PCDHGA2: variants seen among roughly 807,000 people sequenced by gnomAD.
PCDHGA2 encodes protocadherin gamma subfamily A, 2.
Under a neutral mutation model 59.2 loss-of-function variants are expected in PCDHGA2, and 40 were observed. The observed-to-expected ratio is 0.68, with a 90% CI of 0.52 to 0.88. The LOEUF is 0.88. Ranked by LOEUF, PCDHGA2 falls within the 40% of genes least tolerant of loss-of-function variation. The probability of loss-of-function intolerance (pLI) is 0.00; values close to 1 mark genes in which losing one functional copy is unlikely to be tolerated. For synonymous variants in PCDHGA2, 560 were observed against 526.0 expected (o/e 1.06, Z -0.89); for missense variants, 1,226 against 1,204.0 (o/e 1.02, Z -0.27).
intron 1 of PCDHGA2, chr5:141,374,936 A>G: frequency 6.2e-7 from 1 of 1,614,030 alleles, no homozygotes; most frequent in Non-Finnish European, 8.5e-7. Context: ...TGTGAAGATT[A>G]CAGAAAAGAT....
intron 1 of PCDHGA2, among the ~76,000 whole-genome samples, chr5:141,456,714 C>T (rs1456452530): frequency 6.6e-6 from 1 of 152,176 alleles, no homozygotes; most frequent in Non-Finnish European, 1.5e-5. Flanking sequence ...CCTGTAATCC[C>T]AGCACTTTGG....
intron 1 of PCDHGA2, among the ~76,000 whole-genome samples, chr5:141,460,640 TGTTTACACATA>T (rs2098994223): frequency 6.6e-6 from 1 of 152,096 alleles, no homozygotes; most frequent in Admixed American, 6.6e-5. Flanking sequence ...TATATAACTG[TGTTTACACATA>T]TGTAACTGTA....
At chr5:141,503,332 C>T (rs536647792) in intron 2 of PCDHGA2, among the ~76,000 whole-genome samples, 5 of 152,074 alleles carry the variant, frequency 3.3e-5, no homozygotes, top group Admixed American at 6.5e-5. Context: ...CGCGGTGGCT[C>T]ACGCCTGTAA....
intron 1 of PCDHGA2, chr5:141,409,529 G>A: frequency 6.2e-7 from 1 of 1,613,962 alleles, no homozygotes; most frequent in Middle Eastern, 1.6e-4. Context: ...CTTGTATGTC[G>A]CTGACATCAA....
intron 1 of PCDHGA2, chr5:141,391,496 G>C (rs1256159469): frequency 6.6e-6 from 1 of 151,988 alleles, no homozygotes; most frequent in Non-Finnish European, 1.5e-5. Flanking sequence ...GTTTTCAGTA[G>C]AGAAAATATT....
rs200016406 is a variant in PCDHGA2 at position 141,383,092 on chromosome 5, C to T, written c.2424+41697C>T. The T allele has an allele frequency of 3.1e-4, 507 of 1,613,932 alleles. 2 individuals are homozygous for T. Among genetic ancestry groups the T allele is most frequent in the Middle Eastern group, 1.7e-3 (10 of 6,060 alleles). The stretch of plus-strand genomic sequence containing the variant: ...CCGGGAGCTGGCGGAGCGCGGAGTC[C>T]GCATCATCTCCAGAGGTAGGACGCA... On this transcript the variant is annotated intron_variant, in intron 1 of 3. Coordinates refer to ENST00000394576, the MANE Select transcript of PCDHGA2 (RefSeq NM_018915.4).
rs1756815799 is a variant in PCDHGA2 at position 141,339,210 on chromosome 5, G to T, written c.239G>T (p.Arg80Leu). ...GRSQLFALNPRSGSLVTANRI... is the reference protein window; with the variant it reads ...GRSQLFALNPLSGSLVTANRI... ...TCCCAGCTCTTTGCTCTGAACCCGC[G>T]AAGCGGCAGCTTGGTCACTGCGAAC... Residue 80 changes from arginine (R) to leucine (L), a missense_variant, in exon 1 of 4, where the codon CGA (arginine) becomes CTA (leucine). Coordinates refer to ENST00000394576, the MANE Select transcript of PCDHGA2 (RefSeq NM_018915.4). The T allele has an allele frequency of 6.2e-7, 1 of 1,614,126 alleles. No homozygotes were observed. Among genetic ancestry groups the T allele is most frequent in the Non-Finnish European group, 8.5e-7 (1 of 1,179,956 alleles).
At position 141,356,066 on chromosome 5, in the gene PCDHGA2, CA is replaced by C. The variant is rs754314348; in HGVS notation, c.2424+14672del. ...TTCCGGAAAGTAAGAGACAAAATAT[CA>C]CAGCTATTTCAGTTGAATTCTCTGA... On this transcript the variant is annotated intron_variant, in intron 1 of 3. Coordinates refer to ENST00000394576, the MANE Select transcript of PCDHGA2 (RefSeq NM_018915.4). The C allele has an allele frequency of 6.8e-6, 11 of 1,613,876 alleles. No homozygotes were observed. The South Asian group carries it at 1.2e-4, about 18-fold the overall frequency.
At position 141,360,833 on chromosome 5, in the gene PCDHGA2, C is replaced by T. The variant is rs760468418; in HGVS notation, c.2424+19438C>T. 6 of 1,613,964 alleles carry T rather than the reference C, an allele frequency of 3.7e-6. No homozygotes were observed. In the South Asian group the frequency reaches 5.5e-5, roughly 15 times the overall value. On this transcript the variant is annotated intron_variant, in intron 1 of 3. Coordinates refer to ENST00000394576, the MANE Select transcript of PCDHGA2 (RefSeq NM_018915.4). ...ACGACCCAAATCCGAATCAAAGTCA[C>T]GGATGCCAACGATAACCCTCCAGTG... is the stretch of plus-strand genomic sequence containing the variant.
At chr5:141,433,321 G>T in intron 1 of PCDHGA2, 1 of 788,106 alleles carries the variant, frequency 1.3e-6, no homozygotes. Flanking sequence ...TGCCTCCGGT[G>T]TAACAGGGAC....
At chr5:141,418,836 C>T (rs2096292464) in intron 1 of PCDHGA2, 1 of 1,613,984 alleles carries the variant, frequency 6.2e-7, no homozygotes, top group Non-Finnish European at 8.5e-7. Flanking sequence ...GACCGAGGAT[C>T]TCTCTCAACA....
chr5:141,370,655 C>T (rs746541169), intron 1 of PCDHGA2: 14 of 1,613,708 alleles, frequency 8.7e-6, no homozygotes, highest in Non-Finnish European at 1.1e-5. Context: ...TACTTGTGAG[C>T]GACCGTATAG....
At chr5:141,481,762 GC>G (rs1307001837) in intron 1 of PCDHGA2, among the ~76,000 whole-genome samples, 1 of 152,126 alleles carries the variant, frequency 6.6e-6, no homozygotes, top group Admixed American at 6.5e-5. Context: ...GACCAGCCTG[GC>G]CAACATGGTG....
intron 1 of PCDHGA2, among the ~76,000 whole-genome samples, chr5:141,436,531 G>T (rs1365651055): frequency 6.6e-6 from 1 of 152,152 alleles, no homozygotes; most frequent in African/African-American, 2.4e-5. Context: ...CCTTTAGCAA[G>T]TTATTTAATC....
intron 1 of PCDHGA2, chr5:141,346,017 G>A (rs770484303): frequency 1.2e-6 from 2 of 1,613,436 alleles, no homozygotes; most frequent in Non-Finnish European, 1.7e-6. Flanking sequence ...CACGCTCACC[G>A]TGGCCGTGGC....
At chr5:141,366,954 C>A in intron 1 of PCDHGA2, 1 of 692,400 alleles carries the variant, frequency 1.4e-6, no homozygotes. Flanking sequence ...TATCTGTAGA[C>A]TTAAGTGAAA....
chr5:141,483,648 T>TTG (rs111458813), intron 1 of PCDHGA2, among the ~76,000 whole-genome samples: 1,883 of 149,700 alleles, frequency 0.013, 19 homozygotes, highest in African/African-American at 0.023. Flanking sequence ...GGGTGTGTGT[T>TTG]TGTGTGTGTG....
At position 141,489,786 on chromosome 5, in the gene PCDHGA2, G is replaced by A. The variant is rs758119518; in HGVS notation, c.2425-5021G>A. 8.7e-6 allele frequency: 14 copies of A among 1,614,194 alleles called. No individual in the cohort carries two copies. Among genetic ancestry groups the A allele is most frequent in the Non-Finnish European group, 1.2e-5 (14 of 1,180,014 alleles). ...CCAACAGCCACTTCTCTCTGAATGTGAAGACCCTAAAAGATGGGAAGCCAT... is the reference window on the plus strand; with the variant it reads ...CCAACAGCCACTTCTCTCTGAATGTAAAGACCCTAAAAGATGGGAAGCCAT... On this transcript the variant is annotated intron_variant, in intron 1 of 3. Transcript: ENST00000394576. This position sits in a 1 kb window ranked among gnomAD's most constrained non-coding sequence, Gnocchi z 4.5.
chr5:141,473,382 C>A (rs780229708), intron 1 of PCDHGA2, among the ~76,000 whole-genome samples: 12 of 152,190 alleles, frequency 7.9e-5, no homozygotes, highest in Non-Finnish European at 1.8e-4. Context: ...TGGTCCCTGC[C>A]CTCCTGGAGC....
Sources: allele counts gnomAD v4.1 joint callset (sites outside exome capture counted in the v4.1 genomes callset), GRCh38; gene constraint gnomAD v4.1.1; non-coding constraint Gnocchi (gnomAD v3.1); transcripts MANE v1.5; gene names NCBI Gene and HGNC (gene_info 2026-07-23, HGNC 2026-07-21).